The following GLRA3 variants were observed in gnomAD, a reference collection of about 807,000 sequenced individuals.
The protein encoded by GLRA3 is glycine receptor subunit alpha-3.
Under a neutral mutation model 60.4 loss-of-function variants are expected in GLRA3, and 44 were observed. The observed-to-expected ratio is 0.73, with a 90% confidence interval of 0.57 to 0.94. The LOEUF (loss-of-function observed/expected upper bound fraction) is 0.94, where lower values mean the gene tolerates loss of function less well. Among genes scored for constraint, GLRA3 ranks in the 40% least tolerant of loss-of-function variants. The pLI is 0.00. For synonymous variants in GLRA3, 223 were observed against 192.9 expected, an observed-to-expected ratio of 1.16 and a Z score of -1.29; for missense variants, 508 against 564.6, an observed-to-expected ratio of 0.90 and a Z score of 1.02.
Position 174,828,789 on chromosome 4 carries a change from C to G in GLRA3, c.23G>C (p.Arg8Pro), listed in dbSNP as rs776340051. 6.2e-7 allele frequency: 1 copy of G among 1,611,586 alleles called. No individual in the cohort carries two copies. Among genetic ancestry groups the G allele is most frequent in the Non-Finnish European group, 8.5e-7 (1 of 1,177,724 alleles). The change falls in exon 1 of 10, where the codon CGG becomes CCG. Residue 8 changes from arginine (R) to proline (P), a missense_variant. Around this residue, in one of 3 missense-constraint regions of GLRA3, gnomAD observed 329 missense variants for 349.3 expected, o/e 0.94. Coordinates refer to ENST00000274093, the MANE Select transcript of GLRA3 (RefSeq NM_006529.4). The part of the protein sequence containing the change: MAHVRHF[R>P]TLVSGFYFWE... ...GAAGTAAAATCCCGAAACTAATGTC[C>G]GAAAGTGTCTCACGTGGGCCATGAT...
intron 1 of GLRA3, among the ~76,000 whole-genome samples, chr4:174,792,336 T>A (rs905816660): frequency 6.7e-6 from 1 of 149,474 alleles, no homozygotes; most frequent in East Asian, 2.0e-4. Context: ...CCATTTTCTG[T>A]TTTTTTTTAA....
intron 5 of GLRA3, among the ~76,000 whole-genome samples, chr4:174,700,499 C>T (rs1186031662): frequency 6.6e-6 from 1 of 152,078 alleles, no homozygotes; most frequent in Non-Finnish European, 1.5e-5. Flanking sequence ...AAATTATTAG[C>T]CAATTAATAA....
intron 1 of GLRA3, among the ~76,000 whole-genome samples, chr4:174,795,337 A>AT (rs983148837): frequency 3.2e-4 from 48 of 152,102 alleles, no homozygotes; most frequent in Non-Finnish European, 6.0e-4. Flanking sequence ...ATGTCCCATT[A>AT]TTTTTTTCTA....
Position 174,728,460 on chromosome 4 carries a change from A to T in GLRA3, c.491+15T>A. ...TCTATTTCACTGAAATCGGCAATTT[A>T]AGTCCACGACTCACCTTATTGAATA... is the stretch of plus-strand genomic sequence containing the variant. On this transcript the variant is annotated intron_variant, in intron 4 of 9. Transcript: ENST00000274093. The T allele has an allele frequency of 1.5e-6, 2 of 1,359,482 alleles. No individual in the cohort carries two copies. The highest frequency in any genetic ancestry group is 2.1e-6 in the Non-Finnish European group (2 of 956,594). The allele number at this position is 1,359,482 out of a possible 1,614,324, so 84.2% of individuals were successfully genotyped here.
At chr4:174,764,475 C>A (rs1331395746) in intron 3 of GLRA3, among the ~76,000 whole-genome samples, 4 of 151,184 alleles carry the variant, frequency 2.6e-5, no homozygotes, top group African/African-American at 9.7e-5. Context: ...TCCATCCTCT[C>A]AATTTTAATT....
intron 5 of GLRA3, among the ~76,000 whole-genome samples, chr4:174,686,367 T>A (rs1452316679): frequency 2.0e-5 from 3 of 152,218 alleles, no homozygotes; most frequent in South Asian, 2.1e-4. Flanking sequence ...GTTAATGAGA[T>A]CAAGCTTGTG....
intron 5 of GLRA3, among the ~76,000 whole-genome samples, chr4:174,693,741 C>A (rs1734948283): frequency 6.6e-6 from 1 of 151,968 alleles, no homozygotes; most frequent in South Asian, 2.1e-4. Context: ...TCGCTTTGGG[C>A]TAACCTTAAA....
chr4:174,676,039 G>A (rs549913392), intron 7 of GLRA3, among the ~76,000 whole-genome samples: 1 of 152,232 alleles, frequency 6.6e-6, no homozygotes, highest in East Asian at 1.9e-4. Context: ...TAATAGTAAA[G>A]CTTCTTGGAA....
intron 1 of GLRA3, among the ~76,000 whole-genome samples, chr4:174,789,436 G>C (rs368663035): frequency 6.6e-6 from 1 of 152,132 alleles, no homozygotes; most frequent in Non-Finnish European, 1.5e-5. Flanking sequence ...CAATTAGAGT[G>C]CTTCCTGAAT....
At chr4:174,703,302 T>C (rs984233256) in intron 5 of GLRA3, among the ~76,000 whole-genome samples, 1 of 152,204 alleles carries the variant, frequency 6.6e-6, no homozygotes, top group African/African-American at 2.4e-5. Flanking sequence ...AAGGAAGCAG[T>C]GGAGCCATTG....
At chr4:174,778,828 G>A (rs12509056) in intron 2 of GLRA3, among the ~76,000 whole-genome samples, 38,952 of 152,144 alleles carry the variant, frequency 0.26, 5,719 homozygotes, top group East Asian at 0.51. Flanking sequence ...CCTACCCCAC[G>A]GAGTCTCGCT....
chr4:174,814,539 A>G (rs1438130084), intron 1 of GLRA3, among the ~76,000 whole-genome samples: 1 of 152,182 alleles, frequency 6.6e-6, no homozygotes, highest in African/African-American at 2.4e-5. Context: ...CTGATCATAA[A>G]GACATAACTG....
intron 3 of GLRA3, among the ~76,000 whole-genome samples, chr4:174,742,448 A>C (rs1737065021): frequency 6.6e-6 from 1 of 152,280 alleles, no homozygotes; most frequent in Non-Finnish European, 1.5e-5. Flanking sequence ...AGTAATAAGA[A>C]AGAGAAACTC....
chr4:174,677,356 T>C, intron 6 of GLRA3, 64 bp from the exon 7 acceptor site: 1 of 916,046 alleles, frequency 1.1e-6, no homozygotes, highest in South Asian at 1.5e-5. Flanking sequence ...GCATCAAATA[T>C]CACAATTTCT....
chr4:174,659,586 T>C (rs142979880), intron 7 of GLRA3, among the ~76,000 whole-genome samples: 1 of 152,188 alleles, frequency 6.6e-6, no homozygotes, highest in African/African-American at 2.4e-5. Flanking sequence ...TCTGTTAAGA[T>C]ATTTTTCTTT....
At chr4:174,795,649 C>T (rs1739537543) in intron 1 of GLRA3, among the ~76,000 whole-genome samples, 1 of 151,994 alleles carries the variant, frequency 6.6e-6, no homozygotes, top group Non-Finnish European at 1.5e-5. Flanking sequence ...CTTTCTTATA[C>T]CATAATGTAA....
chr4:174,650,443 G>A (rs1479169426), intron 9 of GLRA3, among the ~76,000 whole-genome samples: 1 of 152,136 alleles, frequency 6.6e-6, no homozygotes, highest in African/African-American at 2.4e-5. Flanking sequence ...AAGCTCAATA[G>A]TGGCACTCTA....
At chr4:174,719,343 G>C (rs1736054037) in intron 4 of GLRA3, among the ~76,000 whole-genome samples, 1 of 151,920 alleles carries the variant, frequency 6.6e-6, no homozygotes, top group African/African-American at 2.4e-5. Flanking sequence ...TAATTAATAT[G>C]ACATTTTAAA....
chr4:174,774,607 T>A (rs1738521186), intron 2 of GLRA3, among the ~76,000 whole-genome samples: 1 of 152,100 alleles, frequency 6.6e-6, no homozygotes, highest in Non-Finnish European at 1.5e-5. Context: ...ATCAGACAAA[T>A]GCAAAGTGAA....
Sources: allele counts gnomAD v4.1 joint callset (sites outside exome capture counted in the v4.1 genomes callset), GRCh38; gene constraint gnomAD v4.1.1; regional missense constraint gnomAD v4.1.1; transcripts MANE v1.5; gene names NCBI Gene and HGNC (gene_info 2026-07-23, HGNC 2026-07-21).